The following DNAH9 variants were observed in gnomAD, a reference collection of about 807,000 sequenced individuals.
The protein encoded by DNAH9 is DNAH9 variant protein.
A neutral mutation model predicts 471.6 loss-of-function variants in DNAH9; 345 were observed. The observed-to-expected ratio is 0.73, with a 90% CI of 0.67 to 0.80. The LOEUF (loss-of-function observed/expected upper bound fraction) is 0.80, where lower values mean the gene tolerates loss of function less well. DNAH9 is among the 30% of genes least tolerant of loss of function. DNAH9 has a pLI of 0.00. For missense variants in DNAH9, 5,407 were observed against 5,609.2 expected (o/e 0.96, Z 1.15); for synonymous variants, 2,093 against 2,123.6 (o/e 0.99, Z 0.40).
At chr17:11,682,820 ATTGGT>A (rs1391172358) in intron 19 of DNAH9, among the ~76,000 whole-genome samples, 1 of 152,122 alleles carries the variant, frequency 6.6e-6, no homozygotes, top group African/African-American at 2.4e-5. Flanking sequence ...AAGGGAAGTA[ATTGGT>A]TTCCTTTCAA....
At chr17:11,829,558 G>A (rs1369263095) in intron 48 of DNAH9, among the ~76,000 whole-genome samples, 2 of 152,138 alleles carry the variant, frequency 1.3e-5, no homozygotes, top group Non-Finnish European at 2.9e-5. Context: ...TGCAACCTCT[G>A]CCTCCCAGGT....
Position 11,854,202 on chromosome 17 carries a change from A to T in DNAH9, c.9707A>T (p.Asn3236Ile). 6.2e-7 allele frequency: 1 copy of T among 1,614,174 alleles called. No individual in the cohort carries two copies. The highest frequency in any genetic ancestry group is 8.5e-7 in the Non-Finnish European group (1 of 1,180,038). Residue 3236 changes from asparagine to isoleucine, a missense_variant, in exon 50 of 69, where the codon AAC becomes ATC. Asn to Ile is a moderately radical substitution (Grantham distance 149, BLOSUM62 -3). Around this residue, in one of 3 missense-constraint regions of DNAH9, gnomAD observed 4,636 missense variants for 4,900.3 expected, o/e 0.95. Coordinates refer to ENST00000262442, the MANE Select transcript of DNAH9 (RefSeq NM_001372.4). ...TTCAACAAAGAGAACATTCACGAGAACTGCCTCAAAGCCATCAGGCCGTAT... is the reference window on the plus strand; with the variant it reads ...TTCAACAAAGAGAACATTCACGAGATCTGCCTCAAAGCCATCAGGCCGTAT... ...INFNKENIHENCLKAIRPYLQ... is the reference protein window; with the variant it reads ...INFNKENIHEICLKAIRPYLQ...
At chr17:11,904,210 G>A (rs1973509307) in intron 60 of DNAH9, among the ~76,000 whole-genome samples, 1 of 152,152 alleles carries the variant, frequency 6.6e-6, no homozygotes, top group Admixed American at 6.5e-5. Flanking sequence ...CATGGATGTT[G>A]ATGTCACCCA....
chr17:11,797,916 A>G, intron 43 of DNAH9, 123 bp downstream of exon 43: 1 of 966,306 alleles, frequency 1.0e-6, no homozygotes, highest in Non-Finnish European at 1.5e-6. Context: ...TCTGCCTTAA[A>G]AGTCAAGATG....
chr17:11,598,892 C>T lies in DNAH9; in HGVS notation c.394C>T (p.His132Tyr). ...GGACCTGCCCGCGGCACCTCTGGAGCACCTAGCCGCGCTGTTCTCGGAGGT... is the reference window on the plus strand; with the variant it reads ...GGACCTGCCCGCGGCACCTCTGGAGTACCTAGCCGCGCTGTTCTCGGAGGT... ...CGDLPAAPLE[H>Y]LAALFSEVVL... The change falls in exon 1 of 69, where the codon CAC becomes TAC. Residue 132 changes from histidine to tyrosine, a missense_variant. Transcript: ENST00000262442. 6.5e-7 allele frequency: 1 copy of T among 1,538,328 alleles called. No individual in the cohort carries two copies. The highest frequency in any genetic ancestry group is 8.7e-7 in the Non-Finnish European group (1 of 1,148,968).
At chr17:11,682,461 A>C (rs1232981525) in intron 19 of DNAH9, among the ~76,000 whole-genome samples, 1 of 151,086 alleles carries the variant, frequency 6.6e-6, no homozygotes, top group East Asian at 2.0e-4. Flanking sequence ...TCAGCCTGGC[A>C]TACCTATTTT....
intron 61 of DNAH9, among the ~76,000 whole-genome samples, chr17:11,907,389 G>C (rs898410035): frequency 6.6e-6 from 1 of 151,464 alleles, no homozygotes; most frequent in African/African-American, 2.4e-5. Flanking sequence ...AGAATCGCTT[G>C]AACCCAGGAG....
intron 26 of DNAH9, among the ~76,000 whole-genome samples, chr17:11,716,832 G>T (rs2074973527): frequency 6.6e-6 from 1 of 152,190 alleles, no homozygotes; most frequent in South Asian, 2.1e-4. Context: ...TGAGTTGTCA[G>T]GGATTGAAGA....
At position 11,608,120 on chromosome 17, in the gene DNAH9, C is replaced by G; in HGVS notation, c.418-9C>G. On this transcript the variant is annotated splice_polypyrimidine_tract_variant and intron_variant, in intron 1 of 68. Transcript: ENST00000262442. Reference sequence around the variant, plus strand: ...ACCTGCCTTTCTTTCCTGTGCACCTCTGTTCCAGGTTGTTCTACCCGTCCT... The same window carrying G: ...ACCTGCCTTTCTTTCCTGTGCACCTGTGTTCCAGGTTGTTCTACCCGTCCT... 1 of 1,571,274 alleles carries G rather than the reference C, an allele frequency of 6.4e-7. No individual in the cohort carries two copies. Among genetic ancestry groups the G allele is most frequent in the South Asian group, 1.2e-5 (1 of 85,814 alleles).
chr17:11,662,583 C>G (rs116014981), intron 14 of DNAH9, among the ~76,000 whole-genome samples: 3,627 of 151,742 alleles, frequency 0.024, 147 homozygotes, highest in African/African-American at 0.082. Flanking sequence ...GCACCTTTTT[C>G]TGCTTGTTTG....
At chr17:11,906,812 G>C (rs1289494983) in intron 61 of DNAH9, among the ~76,000 whole-genome samples, 1 of 151,936 alleles carries the variant, frequency 6.6e-6, no homozygotes, top group East Asian at 1.9e-4. Context: ...TGGGAGCTGA[G>C]TGATGAAAAC....
intron 28 of DNAH9, 49 bp from the exon 29 acceptor site, chr17:11,738,831 C>G (rs996295138): frequency 5.1e-6 from 8 of 1,557,714 alleles, no homozygotes; most frequent in Non-Finnish European, 7.1e-6. Flanking sequence ...TATGATCCCT[C>G]CACTAAAAGG....
At chr17:11,923,512 T>C (rs1001029979) in intron 61 of DNAH9, among the ~76,000 whole-genome samples, 2 of 152,152 alleles carry the variant, frequency 1.3e-5, no homozygotes, top group African/African-American at 4.8e-5. Flanking sequence ...GGGGTTTCAC[T>C]GTGTTAGCCA....
At chr17:11,707,167 T>G (rs2074717335) in intron 26 of DNAH9, among the ~76,000 whole-genome samples, 1 of 152,188 alleles carries the variant, frequency 6.6e-6, no homozygotes, top group African/African-American at 2.4e-5. Context: ...GTAATTCCAT[T>G]GAACATTAAA....
chr17:11,880,160 C>T lies in DNAH9; in HGVS notation c.10561C>T (p.Leu3521=), dbSNP rs1389157699. Residue 3521 remains leucine (L), a synonymous_variant, in exon 54 of 69, where the codon CTG becomes TTG. Coordinates refer to ENST00000262442, the MANE Select transcript of DNAH9 (RefSeq NM_001372.4). ...TCTAGAGGAGTCCATTGATCCTGTTCTGGGACCCCTGCTTGGGAGAGAAGT... is the reference window on the plus strand; with the variant it reads ...TCTAGAGGAGTCCATTGATCCTGTTTTGGGACCCCTGCTTGGGAGAGAAGT... The part of the protein sequence containing the change: ...ENLEESIDPV[L]GPLLGREVIK... The T allele has an allele frequency of 6.2e-7, 1 of 1,613,960 alleles. No homozygotes were observed. Among genetic ancestry groups the T allele is most frequent in the African/African-American group, 1.3e-5 (1 of 75,022 alleles).
Position 11,961,866 on chromosome 17 carries a change from G to C in DNAH9, c.12844-1G>C, listed in dbSNP as rs574538366. On this transcript the variant is annotated splice_acceptor_variant, in intron 67 of 68. Transcript: ENST00000262442. LOFTEE classifies it high-confidence loss of function. ...TTCCCCCTCCCATTCTTTATCTTCAGGGGGAGCTGACTATGACCAGCCACA... is the reference window on the plus strand; with the variant it reads ...TTCCCCCTCCCATTCTTTATCTTCACGGGGAGCTGACTATGACCAGCCACA... 23 of 1,596,706 alleles carry C rather than the reference G, an allele frequency of 1.4e-5. No individual in the cohort carries two copies. In the East Asian group the frequency reaches 4.5e-4, roughly 31 times the overall value.
chr17:11,778,106 G>A (rs1213843801), intron 38 of DNAH9, among the ~76,000 whole-genome samples: 3 of 151,872 alleles, frequency 2.0e-5, no homozygotes, highest in Non-Finnish European at 1.5e-5. Flanking sequence ...CACCTGCTGG[G>A]GTATGAGGGA....
At chr17:11,968,208 A>G (rs1048890955) in intron 68 of DNAH9, among the ~76,000 whole-genome samples, 6 of 152,238 alleles carry the variant, frequency 3.9e-5, no homozygotes, top group African/African-American at 1.4e-4. Flanking sequence ...GGGGAAAAAA[A>G]AAGAGGTTCT....
At chr17:11,644,131 C>T (rs182679978) in intron 10 of DNAH9, among the ~76,000 whole-genome samples, 8 of 152,174 alleles carry the variant, frequency 5.3e-5, no homozygotes, top group Admixed American at 3.9e-4. Context: ...GGGAGTAATG[C>T]GTTGCACCAT....
Sources: gnomAD v4.1 joint callset for allele counts (sites outside exome capture counted in the v4.1 genomes callset) on GRCh38, gnomAD v4.1.1 for gene constraint, gnomAD v4.1.1 regional missense constraint, MANE v1.5 for transcripts, NCBI Gene and HGNC (gene_info 2026-07-23, HGNC 2026-07-21) for gene names.